The following SCARA5 variants were observed in gnomAD, a reference collection of about 807,000 sequenced individuals.
The protein encoded by SCARA5 is scavenger receptor class A member 5.
In SCARA5, 45 loss-of-function variants were observed where a neutral mutation model predicts 46.3. That is an observed-to-expected ratio of 0.97 (90% CI 0.76 to 1.24). The LOEUF (loss-of-function observed/expected upper bound fraction) is 1.24, where lower values mean the gene tolerates loss of function less well. Among genes scored for constraint, SCARA5 ranks in the 50% most tolerant of loss-of-function variants. The pLI is 0.00. For missense variants in SCARA5, 680 were observed against 689.0 expected, an observed-to-expected ratio of 0.99 and a Z score of 0.15; for synonymous variants, 333 against 306.5, an observed-to-expected ratio of 1.09 and a Z score of -0.90.
At chr8:27,961,804 G>C (rs962400004) in intron 3 of SCARA5, among the ~76,000 whole-genome samples, 2 of 152,142 alleles carry the variant, frequency 1.3e-5, no homozygotes, top group Non-Finnish European at 2.9e-5. Flanking sequence ...ACTTCTACTA[G>C]CTAAATGTCC....
chr8:27,942,607 A>T (rs751584876), intron 3 of SCARA5, among the ~76,000 whole-genome samples: 13 of 152,104 alleles, frequency 8.5e-5, no homozygotes, highest in Non-Finnish European at 1.6e-4. Context: ...TGTATACATC[A>T]GTGGTGAACT....
intron 3 of SCARA5, among the ~76,000 whole-genome samples, chr8:27,938,910 A>T (rs1807899604): frequency 6.6e-6 from 1 of 152,198 alleles, no homozygotes; most frequent in Admixed American, 6.5e-5. Context: ...TAAGTGGTCT[A>T]AACTTTATGA....
intron 3 of SCARA5, among the ~76,000 whole-genome samples, chr8:27,946,880 C>T (rs1000193685): frequency 2.6e-5 from 4 of 152,076 alleles, no homozygotes; most frequent in Non-Finnish European, 5.9e-5. Context: ...TTAGCAAACT[C>T]GTTGAACTGA....
chr8:27,904,841 CA>C lies in SCARA5; in HGVS notation c.1097-8del. ...CCTTTTGGGCCTCGGTCACCTAAAA[CA>C]GAGGAGGAAACTGGCATTAGAAATG... is the stretch of plus-strand genomic sequence containing the variant. On this transcript the variant is annotated splice_region_variant and splice_polypyrimidine_tract_variant and intron_variant, in intron 6 of 8. Transcript: ENST00000354914. The C allele has an allele frequency of 6.2e-7, 1 of 1,602,410 alleles. No homozygotes were observed. Among genetic ancestry groups the C allele is most frequent in the Non-Finnish European group, 8.5e-7 (1 of 1,173,272 alleles).
At chr8:27,950,462 G>T (rs548453790) in intron 3 of SCARA5, among the ~76,000 whole-genome samples, 33 of 152,112 alleles carry the variant, frequency 2.2e-4, no homozygotes, top group African/African-American at 8.0e-4. Flanking sequence ...ACCTAATGCC[G>T]GCAAGCAACC....
chr8:27,989,292 T>C (rs1171056536), intron 1 of SCARA5, among the ~76,000 whole-genome samples: 2 of 151,932 alleles, frequency 1.3e-5, no homozygotes, highest in African/African-American at 2.4e-5. Flanking sequence ...CAAGCCACCA[T>C]GTCCAGCTAA....
intron 3 of SCARA5, among the ~76,000 whole-genome samples, chr8:27,955,833 G>A (rs531988760): frequency 3.3e-5 from 5 of 152,150 alleles, no homozygotes; most frequent in Non-Finnish European, 7.3e-5. Context: ...ATGTGTCGAC[G>A]ACTGGAGGGG....
At chr8:27,982,206 A>T (rs932184823) in intron 2 of SCARA5, among the ~76,000 whole-genome samples, 2 of 152,022 alleles carry the variant, frequency 1.3e-5, no homozygotes, top group Admixed American at 1.3e-4. Context: ...ATGGGACTGC[A>T]GTATTTTTCT....
At chr8:27,922,420 A>G (rs1460017389) in intron 3 of SCARA5, among the ~76,000 whole-genome samples, 175 bp from the exon 4 acceptor site, 1 of 152,194 alleles carries the variant, frequency 6.6e-6, no homozygotes, top group Non-Finnish European at 1.5e-5. Context: ...GTGCTAAACC[A>G]GTGGTCCCCA....
chr8:27,944,001 T>G (rs982293128), intron 3 of SCARA5, among the ~76,000 whole-genome samples: 16 of 152,218 alleles, frequency 1.1e-4, no homozygotes, highest in African/African-American at 3.9e-4. Flanking sequence ...CCTCCTCAAA[T>G]GACTTAGAAA....
At position 27,987,585 on chromosome 8, in the gene SCARA5, C is replaced by T. The variant is rs372626124; in HGVS notation, c.31G>A (p.Val11Ile). MENKAMYLHT[V>I]SDCDTSSICE... ...ATGGAGCTGGTGTCACAGTCGCTGACGGTGTGTAGGTACATAGCTTTGTTC... is the reference window on the plus strand; with the variant it reads ...ATGGAGCTGGTGTCACAGTCGCTGATGGTGTGTAGGTACATAGCTTTGTTC... The change falls in exon 2 of 9, where the codon GTC becomes ATC. Residue 11 changes from valine (V) to isoleucine (I), a missense_variant. Val to Ile is a conservative substitution (Grantham distance 29, BLOSUM62 3). Around this residue, in one of 3 missense-constraint regions of SCARA5, gnomAD observed 23 missense variants for 35.0 expected, o/e 0.66. Coordinates refer to ENST00000354914, the MANE Select transcript of SCARA5 (RefSeq NM_173833.6). 37 of 1,613,828 alleles carry T rather than the reference C, an allele frequency of 2.3e-5. No homozygotes were observed. The highest frequency in any genetic ancestry group is 1.6e-4 in the African/African-American group (12 of 74,886).
At chr8:27,941,518 T>C (rs1452116024) in intron 3 of SCARA5, among the ~76,000 whole-genome samples, 2 of 152,110 alleles carry the variant, frequency 1.3e-5, no homozygotes, top group African/African-American at 4.8e-5. Context: ...TGCTTTGTGT[T>C]ATGCAGATAT....
intron 3 of SCARA5, among the ~76,000 whole-genome samples, chr8:27,925,891 A>G (rs188547726): frequency 1.0e-4 from 16 of 152,386 alleles, no homozygotes; most frequent in African/African-American, 3.8e-4. Flanking sequence ...AATGAGAACC[A>G]CAATGAGATA....
chr8:27,978,013 T>C (rs1190022332), intron 2 of SCARA5, among the ~76,000 whole-genome samples: 1 of 149,088 alleles, frequency 6.7e-6, no homozygotes, highest in Non-Finnish European at 1.5e-5. Context: ...AGTTAGTTTC[T>C]TGTGTCTTTT....
chr8:27,876,846 C>T (rs186842683), intron 8 of SCARA5, among the ~76,000 whole-genome samples: 86 of 152,156 alleles, frequency 5.7e-4, no homozygotes, highest in Admixed American at 1.6e-3. Context: ...GGAGGCAGAG[C>T]GAGAGGGACC....
intron 2 of SCARA5, among the ~76,000 whole-genome samples, chr8:27,986,479 ACGT>A (rs147806135): frequency 0.011 from 1,640 of 152,256 alleles, 17 homozygotes; most frequent in South Asian, 0.015. Context: ...CTGGCCTGAC[ACGT>A]CGTGGATCCT....
At chr8:27,910,479 G>A (rs1437144793) in intron 4 of SCARA5, among the ~76,000 whole-genome samples, 3 of 152,204 alleles carry the variant, frequency 2.0e-5, no homozygotes, top group Admixed American at 6.5e-5. Context: ...GGCTCTTAGA[G>A]ACCCGGCCTG....
Position 27,880,857 on chromosome 8 carries a change from GAAA to G in SCARA5, c.1154-1094_1154-1092del, listed in dbSNP as rs71222524. Among the ~76,000 whole-genome samples, 9 of 94,802 alleles carry G rather than the reference GAAA, an allele frequency of 9.5e-5. No individual in the cohort carries two copies. In the South Asian group the frequency reaches 2.1e-3, roughly 22 times the overall value. The allele number at this position is 94,802 out of a possible 152,430, so 62.2% of individuals were successfully genotyped here. On this transcript the variant is annotated intron_variant, in intron 7 of 8. Transcript: ENST00000354914. ...ATGACAAAGCAAGACCCTGTCTAAG[GAAA>G]AAAAAAAAAAAAAAAAGTGGGCAGG... is the stretch of plus-strand genomic sequence containing the variant.
chr8:27,988,574 C>T (rs1409869105), intron 1 of SCARA5, among the ~76,000 whole-genome samples: 2 of 152,148 alleles, frequency 1.3e-5, no homozygotes, highest in Non-Finnish European at 1.5e-5. Context: ...ATTTAATATT[C>T]CTTTTTGCTT....
Sources: allele counts gnomAD v4.1 joint callset (sites outside exome capture counted in the v4.1 genomes callset), GRCh38; gene constraint gnomAD v4.1.1; regional missense constraint gnomAD v4.1.1; transcripts MANE v1.5; gene names NCBI Gene and HGNC (gene_info 2026-07-23, HGNC 2026-07-21).